Variants in RGSL1 observed in about 807,000 individuals in gnomAD.
RGSL1 encodes regulator of G protein signaling like 1, also known as regulator of G protein signaling protein-like.
Under a neutral mutation model 124.7 loss-of-function variants are expected in RGSL1, and 97 were observed. That is an observed-to-expected ratio of 0.78 (90% CI 0.66 to 0.92). RGSL1 has a LOEUF of 0.92. Ranked by LOEUF, RGSL1 falls within the 40% of genes least tolerant of loss-of-function variation. The pLI is 0.00. For missense variants in RGSL1, 1,233 were observed against 1,288.4 expected, an observed-to-expected ratio of 0.96 and a Z score of 0.66; for synonymous variants, 424 against 438.1, an observed-to-expected ratio of 0.97 and a Z score of 0.40.
intron 21 of RGSL1, 59 bp downstream of exon 21, chr1:182,556,281 A>G: frequency 1.9e-6 from 1 of 522,310 alleles, no homozygotes; most frequent in Non-Finnish European, 3.4e-6. Context: ...GAGTTGGGTC[A>G]GGAGACCTGG....
intron 4 of RGSL1, among the ~76,000 whole-genome samples, chr1:182,470,248 T>G (rs1370649368): frequency 1.3e-5 from 2 of 152,128 alleles, no homozygotes; most frequent in South Asian, 4.1e-4. Context: ...CTGTCCCCAC[T>G]GCTTCTCAAC....
intron 4 of RGSL1, among the ~76,000 whole-genome samples, chr1:182,466,786 A>C (rs1472270243): frequency 6.6e-6 from 1 of 152,176 alleles, no homozygotes; most frequent in Admixed American, 6.5e-5. Flanking sequence ...ATCTCTATCA[A>C]AATCTCAATG....
rs1346624354 is a variant in RGSL1 at position 182,522,083 on chromosome 1, T to C, written c.1905T>C (p.Leu635=). ...NRKMSLLKRT[L]VRKPSMRPRN... is the part of the protein sequence containing the mutation. ...AAATGTCCTTGCTCAAAAGAACTCT[T>C]GTAAGGAAGCCATCAATGAGACCCA... Residue 635 remains leucine (L), a synonymous_variant, in exon 10 of 22, where the codon CTT becomes CTC. Transcript: ENST00000294854. 1 of 1,550,326 alleles carries C rather than the reference T, an allele frequency of 6.5e-7. No homozygotes were observed. Among genetic ancestry groups the C allele is most frequent in the Admixed American group, 2.0e-5 (1 of 50,796 alleles).
chr1:182,527,848 T>G, intron 11 of RGSL1, 76 bp downstream of exon 11: 1 of 1,259,996 alleles, frequency 7.9e-7, no homozygotes, highest in Non-Finnish European at 1.1e-6. Context: ...ATAGCCTACC[T>G]CATGTGAGCC....
chr1:182,464,845 A>G (rs1418819780), intron 4 of RGSL1, among the ~76,000 whole-genome samples: 1 of 152,090 alleles, frequency 6.6e-6, no homozygotes, highest in Non-Finnish European at 1.5e-5. Flanking sequence ...CCAGAACTCT[A>G]CAAAGCTAGG....
At chr1:182,501,525 T>A (rs1656385620) in intron 9 of RGSL1, among the ~76,000 whole-genome samples, 2 of 151,774 alleles carry the variant, frequency 1.3e-5, no homozygotes, top group Admixed American at 1.3e-4. Context: ...CACCATGTTG[T>A]CTAGGATGGT....
At position 182,501,307 on chromosome 1, in the gene RGSL1, C is replaced by CTTTTTTTTTTTTTTTTTTTTTTT. The variant is rs141279993; in HGVS notation, c.1825+8186_1825+8208dup. Among the ~76,000 whole-genome samples the CTTTTTTTTTTTTTTTTTTTTTTT allele has an allele frequency of 6.5e-5, 4 of 61,342 alleles. 1 individual carries two copies. Among genetic ancestry groups the CTTTTTTTTTTTTTTTTTTTTTTT allele is most frequent in the African/African-American group, 2.6e-4 (4 of 15,350 alleles). The allele number at this position is 61,342 out of a possible 152,430, so 40.2% of individuals were successfully genotyped here. On this transcript the variant is annotated intron_variant, in intron 9 of 21. Coordinates refer to ENST00000294854, the MANE Select transcript of RGSL1 (RefSeq NM_001137669.2). ...TTTCTTTTCTTTTCTTTTTTCTTTT[C>CTTTTTTTTTTTTTTTTTTTTTTT]TTTTTTTTTTTTTTTTTTTTTTTTT...
At chr1:182,487,433 C>T (rs969491605) in intron 6 of RGSL1, among the ~76,000 whole-genome samples, 2 of 152,060 alleles carry the variant, frequency 1.3e-5, no homozygotes, top group Admixed American at 1.3e-4. Flanking sequence ...CACTGAAGTA[C>T]TCATGATTCC....
chr1:182,524,501 T>G (rs765926358), intron 10 of RGSL1, among the ~76,000 whole-genome samples: 18 of 152,168 alleles, frequency 1.2e-4, no homozygotes, highest in Non-Finnish European at 1.9e-4. Context: ...TCCATAAAAG[T>G]AAAACTGGGA....
intron 2 of RGSL1, among the ~76,000 whole-genome samples, chr1:182,456,075 A>G (rs1652295272): frequency 6.6e-6 from 1 of 152,180 alleles, no homozygotes; most frequent in South Asian, 2.1e-4. Flanking sequence ...GATTGTTAAC[A>G]AAACAAAATA....
chr1:182,530,504 G>A (rs910783935), intron 12 of RGSL1, 143 bp downstream of exon 12: 1 of 666,338 alleles, frequency 1.5e-6, no homozygotes, highest in Admixed American at 3.0e-5. Flanking sequence ...AACTTATCTT[G>A]AACTTTCCTA....
intron 1 of RGSL1, among the ~76,000 whole-genome samples, chr1:182,452,177 G>C (rs1651898122): frequency 6.6e-6 from 1 of 152,102 alleles, no homozygotes; most frequent in Admixed American, 6.6e-5. Context: ...TGAGATGAAA[G>C]TGCCTGATGG....
At chr1:182,518,221 A>G (rs771750673) in intron 9 of RGSL1, among the ~76,000 whole-genome samples, 3 of 151,900 alleles carry the variant, frequency 2.0e-5, no homozygotes, top group Admixed American at 6.6e-5. Context: ...TTTAATAGAG[A>G]TGATGTCTCA....
At chr1:182,526,735 C>T (rs1169130780) in intron 10 of RGSL1, among the ~76,000 whole-genome samples, 1 of 152,046 alleles carries the variant, frequency 6.6e-6, no homozygotes, top group East Asian at 1.9e-4. Flanking sequence ...GGGAGAAATT[C>T]ACATGATTAT....
intron 4 of RGSL1, 99 bp from the exon 5 acceptor site, chr1:182,472,297 G>C: frequency 9.0e-7 from 1 of 1,115,210 alleles, no homozygotes; most frequent in South Asian, 1.9e-5. Flanking sequence ...TGATGCAGTG[G>C]AACAGGCTGG....
intron 9 of RGSL1, among the ~76,000 whole-genome samples, chr1:182,508,390 C>T (rs1270835284): frequency 2.0e-5 from 3 of 147,572 alleles, no homozygotes; most frequent in Non-Finnish European, 4.5e-5. Context: ...ACCTCCGCCT[C>T]CCGGGTTCAA....
chr1:182,463,677 A>T (rs753661595), intron 4 of RGSL1, among the ~76,000 whole-genome samples: 14 of 152,232 alleles, frequency 9.2e-5, no homozygotes, highest in Non-Finnish European at 1.5e-4. Flanking sequence ...ACAACTATAA[A>T]CATCTACACA....
intron 9 of RGSL1, among the ~76,000 whole-genome samples, chr1:182,513,497 T>G (rs966563298): frequency 3.9e-5 from 6 of 152,254 alleles, no homozygotes; most frequent in African/African-American, 1.2e-4. Context: ...CAAGCTGTTT[T>G]GCCCTAGTGA....
intron 9 of RGSL1, 93 bp downstream of exon 9, chr1:182,493,222 C>G: frequency 1.2e-6 from 1 of 846,928 alleles, no homozygotes; most frequent in Non-Finnish European, 1.9e-6. Context: ...GGAACATAAG[C>G]CAAAAGAGGA....
Sources: allele counts gnomAD v4.1 joint callset (sites outside exome capture counted in the v4.1 genomes callset), GRCh38; gene constraint gnomAD v4.1.1; transcripts MANE v1.5; gene names NCBI Gene and HGNC (gene_info 2026-07-23, HGNC 2026-07-21).